ZBTB46: variants seen among roughly 807,000 people sequenced by gnomAD.
ZBTB46 encodes the protein zinc finger and BTB domain-containing protein 46.
In ZBTB46, 8 loss-of-function variants were observed where a neutral mutation model predicts 44.1. That is an observed-to-expected ratio of 0.18 (90% CI 0.11 to 0.33). The LOEUF (loss-of-function observed/expected upper bound fraction) is 0.33. ZBTB46 is among the 10% of genes least tolerant of loss of function. The pLI is 1.00. For missense variants in ZBTB46, 651 were observed against 847.7 expected, an observed-to-expected ratio of 0.77 and a Z score of 2.88; for synonymous variants, 409 against 382.3, an observed-to-expected ratio of 1.07 and a Z score of -0.81.
Position 63,770,104 on chromosome 20 carries a change from G to T in ZBTB46, c.1222+5574C>A, listed in dbSNP as rs528712167. ...TTACACCAGCAACGCTCCAGAGGCC[G>T]CGTCCCACATTTCCGGGCACGGCTG... is the stretch of plus-strand genomic sequence containing the variant. On this transcript the variant is annotated intron_variant, in intron 3 of 4. Coordinates refer to ENST00000245663, the MANE Select transcript of ZBTB46 (RefSeq NM_001369741.1). 6.6e-4 allele frequency among the ~76,000 whole-genome samples: 101 copies of T among 152,334 alleles called. 1 individual carries two copies. In the South Asian group the frequency reaches 0.011, roughly 16 times the overall value.
chr20:63,775,781 C>G lies in ZBTB46; in HGVS notation c.1119G>C (p.Ala373=). The part of the protein sequence containing the change: ...QATAVANLRA[A]LMSKNSLLSL... Reference sequence around the variant, plus strand: ...ACAGCAGGCTGTTCTTACTCATGAGCGCCGCGCGCAGGTTGGCCACCGCGG... The same window carrying G: ...ACAGCAGGCTGTTCTTACTCATGAGGGCCGCGCGCAGGTTGGCCACCGCGG... The change falls in exon 3 of 5, where the codon GCG becomes GCC. Residue 373 remains alanine (A), a synonymous_variant. Coordinates refer to ENST00000245663, the MANE Select transcript of ZBTB46 (RefSeq NM_001369741.1). 1 of 1,613,322 alleles carries G rather than the reference C, an allele frequency of 6.2e-7. No homozygotes were observed. Among genetic ancestry groups the G allele is most frequent in the Non-Finnish European group, 8.5e-7 (1 of 1,179,916 alleles).
intron 1 of ZBTB46, among the ~76,000 whole-genome samples, chr20:63,809,280 C>T (rs1044256941): frequency 2.6e-5 from 4 of 152,214 alleles, no homozygotes; most frequent in African/African-American, 4.8e-5. Context: ...CCAGCGCGTC[C>T]AGTCCTCATG....
intron 1 of ZBTB46, among the ~76,000 whole-genome samples, chr20:63,826,389 C>CCCGGGGGCGACA (rs1433089717): frequency 6.6e-6 from 1 of 152,178 alleles, no homozygotes; most frequent in African/African-American, 2.4e-5. Context: ...CCAAGAGGAG[C>CCCGGGGGCGACA]CCGGGGGCGA....
chr20:63,751,966 G>T (rs772099983), intron 4 of ZBTB46, among the ~76,000 whole-genome samples: 153 of 152,208 alleles, frequency 1.0e-3, no homozygotes, highest in Non-Finnish European at 1.3e-3. Context: ...CTTCCGCCCC[G>T]ACAGCAGCCC....
At chr20:63,809,426 A>G (rs2092705226) in intron 1 of ZBTB46, among the ~76,000 whole-genome samples, 1 of 152,106 alleles carries the variant, frequency 6.6e-6, no homozygotes, top group Non-Finnish European at 1.5e-5. Context: ...AGGCCTCAGG[A>G]GCTCACAGGA....
intron 3 of ZBTB46, 169 bp downstream of exon 3, chr20:63,775,509 G>A (rs2092417352): frequency 3.5e-6 from 3 of 849,446 alleles, no homozygotes; most frequent in Non-Finnish European, 1.7e-6. Flanking sequence ...CACCTGAGAG[G>A]CCAGTCCAGG....
At chr20:63,820,575 C>T (rs1463691466) in intron 1 of ZBTB46, among the ~76,000 whole-genome samples, 1 of 150,058 alleles carries the variant, frequency 6.7e-6, no homozygotes, top group African/African-American at 2.5e-5. Flanking sequence ...AGCTGGATTA[C>T]AGGCGCGCCA....
At chr20:63,774,697 T>TG (rs1555842693) in intron 3 of ZBTB46, among the ~76,000 whole-genome samples, 1 of 119,488 alleles carries the variant, frequency 8.4e-6, no homozygotes, top group Non-Finnish European at 1.7e-5. Flanking sequence ...GGGTTTTTTT[T>TG]GTTTTTTTTT....
intron 1 of ZBTB46, among the ~76,000 whole-genome samples, chr20:63,796,125 A>T (rs144570910): frequency 2.0e-5 from 3 of 152,214 alleles, no homozygotes; most frequent in African/African-American, 7.2e-5. Flanking sequence ...CTGTGTGTTC[A>T]AAGTATTAAT....
intron 1 of ZBTB46, among the ~76,000 whole-genome samples, chr20:63,829,614 GT>G (rs2092837287): frequency 6.6e-6 from 1 of 152,218 alleles, no homozygotes; most frequent in Admixed American, 6.5e-5. Flanking sequence ...CCTTTCTGCA[GT>G]GGTAACCAGG....
At chr20:63,789,692 T>A in intron 2 of ZBTB46, 129 bp downstream of exon 2, 4 of 1,451,422 alleles carry the variant, frequency 2.8e-6, no homozygotes, top group Non-Finnish European at 3.7e-6. Flanking sequence ...CAACCTCCTG[T>A]AAGAGGAAGT....
At position 63,746,633 on chromosome 20, in the gene ZBTB46, G is replaced by T; in HGVS notation, c.*297C>A. The stretch of plus-strand genomic sequence containing the variant: ...GTCCAAGCCAGGCTGGCCATCACAG[G>T]GGCCACTCACACACCCGCACCACCT... On this transcript the variant is annotated 3_prime_UTR_variant, in exon 5 of 5. Coordinates refer to ENST00000245663, the MANE Select transcript of ZBTB46 (RefSeq NM_001369741.1). The T allele has an allele frequency of 2.6e-6, 1 of 379,298 alleles. No individual in the cohort carries two copies. The highest frequency in any genetic ancestry group is 4.3e-5 in the East Asian group (1 of 23,416). 23.5% of individuals were successfully genotyped at this position (379,298 alleles called of 1,614,324 possible).
At chr20:63,821,699 C>T (rs572053422) in intron 1 of ZBTB46, among the ~76,000 whole-genome samples, 7 of 152,216 alleles carry the variant, frequency 4.6e-5, no homozygotes, top group African/African-American at 9.6e-5. Context: ...CTGCCCACCT[C>T]GGCCTCCCAA....
At chr20:63,793,151 G>C (rs371777086) in intron 1 of ZBTB46, among the ~76,000 whole-genome samples, 1 of 152,216 alleles carries the variant, frequency 6.6e-6, no homozygotes, top group Non-Finnish European at 1.5e-5. Flanking sequence ...CCTCAACGGC[G>C]GCAGAGAACA....
chr20:63,770,343 G>A (rs2092357623), intron 3 of ZBTB46, among the ~76,000 whole-genome samples: 1 of 150,714 alleles, frequency 6.6e-6, no homozygotes, highest in Non-Finnish European at 1.5e-5. Context: ...GGAGAACAAT[G>A]TCTAGTAACA....
Position 63,789,877 on chromosome 20 carries a change from G to T in ZBTB46, c.881C>A (p.Ser294Tyr). 1 of 1,613,724 alleles carries T rather than the reference G, an allele frequency of 6.2e-7. No individual in the cohort carries two copies. The highest frequency in any genetic ancestry group is 8.5e-7 in the Non-Finnish European group (1 of 1,180,012). Reference protein sequence around the residue: ...QQVEDDSRASSPVPSFLPTSG... With the variant: ...QQVEDDSRASYPVPSFLPTSG... ...CGTCGGCAGGAAGGACGGCACCGGG[G>T]AGCTGGCCCGGCTGTCATCTTCCAC... is the stretch of plus-strand genomic sequence containing the variant. Residue 294 changes from serine (S) to tyrosine (Y), a missense_variant, in exon 2 of 5, where the codon TCC becomes TAC. Physicochemically the swap from Ser to Tyr is moderately radical, Grantham distance 144. Transcript: ENST00000245663.
At chr20:63,775,334 C>T in intron 3 of ZBTB46, 1 of 231,388 alleles carries the variant, frequency 4.3e-6, no homozygotes, top group East Asian at 8.5e-5. Context: ...CGCCCGAGCC[C>T]GTCTCTGGAG....
At chr20:63,764,968 G>A (rs565438284) in intron 3 of ZBTB46, among the ~76,000 whole-genome samples, 2 of 151,940 alleles carry the variant, frequency 1.3e-5, no homozygotes, top group African/African-American at 4.8e-5. Context: ...ACCCAGGCTG[G>A]AGTGCAATGG....
chr20:63,779,147 G>A (rs958223192), intron 2 of ZBTB46, among the ~76,000 whole-genome samples: 7 of 152,132 alleles, frequency 4.6e-5, no homozygotes, highest in Non-Finnish European at 1.0e-4. Flanking sequence ...CACGGGGGCT[G>A]GGGTTTCAAC....
Sources: gnomAD v4.1 joint callset for allele counts (sites outside exome capture counted in the v4.1 genomes callset) on GRCh38, gnomAD v4.1.1 for gene constraint, MANE v1.5 for transcripts, NCBI Gene and HGNC (gene_info 2026-07-23, HGNC 2026-07-21) for gene names.